Variants in SPHKAP observed in about 807,000 individuals in gnomAD.
SPHKAP encodes A-kinase anchor protein SPHKAP.
SPHKAP carries 67 observed loss-of-function variants against 137.5 expected under a neutral mutation model. The observed-to-expected ratio is 0.49, with a 90% CI of 0.40 to 0.60. The LOEUF (loss-of-function observed/expected upper bound fraction) is 0.60, where lower values mean the gene tolerates loss of function less well. SPHKAP is among the 20% of genes least tolerant of loss of function. SPHKAP has a pLI of 0.00. For missense variants in SPHKAP, 2,097 were observed against 2,069.3 expected (o/e 1.01, Z -0.26); for synonymous variants, 813 against 785.3 (o/e 1.04, Z -0.59).
intron 1 of SPHKAP, among the ~76,000 whole-genome samples, chr2:228,147,728 G>C (rs183654410): frequency 6.6e-6 from 1 of 152,270 alleles, no homozygotes; most frequent in East Asian, 1.9e-4. Context: ...TCAGTCAATG[G>C]TAATAAACAT....
At chr2:228,108,562 A>G (rs1415923250) in intron 3 of SPHKAP, among the ~76,000 whole-genome samples, 1 of 152,152 alleles carries the variant, frequency 6.6e-6, no homozygotes, top group Non-Finnish European at 1.5e-5. Context: ...ATACAATTCT[A>G]TTTCTGAATC....
intron 11 of SPHKAP, 131 bp downstream of exon 11, chr2:227,990,869 C>T (rs531785769): frequency 3.6e-4 from 320 of 900,988 alleles, no homozygotes; most frequent in Middle Eastern, 2.1e-3. Flanking sequence ...ATGTTCTAGC[C>T]GCAATTTTAA....
intron 3 of SPHKAP, among the ~76,000 whole-genome samples, chr2:228,039,428 A>G (rs1351181957): frequency 3.0e-5 from 4 of 135,274 alleles, no homozygotes; most frequent in African/African-American, 1.2e-4. Flanking sequence ...GAATGTCTAT[A>G]GGAAATACAC....
In SPHKAP at chr2:228,019,508, T is replaced by G; in HGVS notation, c.1346A>C (p.Lys449Thr). Reference protein sequence around the residue: ...VVSRSWNELPKIVVVQSPDGS... With the variant: ...VVSRSWNELPTIVVVQSPDGS... Reference sequence around the variant, plus strand: ...ATCTGGACTCTGAACAACGACGATTTTGGGGAGCTCATTCCATGACCGAGA... The same window carrying G: ...ATCTGGACTCTGAACAACGACGATTGTGGGGAGCTCATTCCATGACCGAGA... The change falls in exon 7 of 12, where the codon AAA becomes ACA. Residue 449 changes from lysine (K) to threonine (T), a missense_variant. By Grantham distance (78) the Lys-to-Thr change is moderately conservative. Transcript: ENST00000392056. 3.1e-6 allele frequency: 5 copies of G among 1,614,156 alleles called. No homozygotes were observed. The highest frequency in any genetic ancestry group is 4.2e-6 in the Non-Finnish European group (5 of 1,180,026).
chr2:228,181,617 G>C lies in SPHKAP; in HGVS notation c.-19C>G, dbSNP rs1700919296. On this transcript the variant is annotated 5_prime_UTR_variant, in exon 1 of 12. Transcript: ENST00000392056. The surrounding 1 kb of genome is among the most constrained non-coding windows in gnomAD (Gnocchi z 4.3). ...CATCCATTGTTGGTGGGCGCCCAGA[G>C]AAGAAAGACGGAAAGTGCAGGCGAA... 6.2e-7 allele frequency: 1 copy of C among 1,613,998 alleles called. No homozygotes were observed. The highest frequency in any genetic ancestry group is 1.7e-5 in the Admixed American group (1 of 60,006).
rs1459191435 is a variant in SPHKAP at position 228,018,577 on chromosome 2, A to T, written c.2277T>A (p.Ser759Arg). ...PSCQPSDPGA[S>R]QAWTKATESS... ...ATTCAGTGGCTTTTGTCCAAGCTTG[A>T]CTAGCACCCGGATCAGATGGCTGGC... Residue 759 changes from serine to arginine, a missense_variant, in exon 7 of 12, where the codon AGT (serine) becomes AGA (arginine). Transcript: ENST00000392056. The T allele has an allele frequency of 1.9e-6, 3 of 1,613,898 alleles. No individual in the cohort carries two copies. The highest frequency in any genetic ancestry group is 2.5e-6 in the Non-Finnish European group (3 of 1,179,888).
At position 228,070,265 on chromosome 2, in the gene SPHKAP, T is replaced by C. The variant is rs1320119922; in HGVS notation, c.246+38567A>G. On this transcript the variant is annotated intron_variant, in intron 3 of 11. Transcript: ENST00000392056. ...ATAATAAAATAAGCTAGAGACATAA[T>C]TGTCATCTTCATGTCGAATATGCTG... 2.6e-5 allele frequency among the ~76,000 whole-genome samples: 4 copies of C among 152,260 alleles called. No individual in the cohort carries two copies. The East Asian group carries it at 7.7e-4, about 29-fold the overall frequency.
intron 3 of SPHKAP, among the ~76,000 whole-genome samples, chr2:228,043,684 C>A (rs1188497756): frequency 6.6e-6 from 1 of 152,246 alleles, no homozygotes; most frequent in South Asian, 2.1e-4. Context: ...AAAAATCTTC[C>A]TCAGGTACAA....
chr2:228,006,705 C>T (rs1054963044), intron 7 of SPHKAP, among the ~76,000 whole-genome samples: 1 of 152,162 alleles, frequency 6.6e-6, no homozygotes, highest in African/African-American at 2.4e-5. Flanking sequence ...TGGTGATGTA[C>T]AGATGGGGTT....
intron 7 of SPHKAP, among the ~76,000 whole-genome samples, chr2:228,001,080 A>G (rs543367024): frequency 6.6e-6 from 1 of 152,092 alleles, no homozygotes; most frequent in East Asian, 1.9e-4. Context: ...TTGGGATTCT[A>G]ATATGTATGT....
intron 3 of SPHKAP, among the ~76,000 whole-genome samples, chr2:228,039,440 G>GGT (rs1553616242): frequency 3.3e-5 from 2 of 60,040 alleles, no homozygotes; most frequent in African/African-American, 8.2e-5. Flanking sequence ...GAAATACACA[G>GGT]TTTTTTTTAG....
rs1375312173 is a variant in SPHKAP at position 228,029,886 on chromosome 2, T to TTTATTATCA, written c.247-2352_247-2344dup. 1.0e-3 allele frequency among the ~76,000 whole-genome samples: 154 copies of TTTATTATCA among 152,222 alleles called. 1 individual carries two copies. The highest frequency in any genetic ancestry group is 3.5e-3 in the African/African-American group (145 of 41,512). On this transcript the variant is annotated intron_variant, in intron 3 of 11. Coordinates refer to ENST00000392056, the MANE Select transcript of SPHKAP (RefSeq NM_001142644.2). ...CCTTGCTCCTGGGCATGACAAAGCT[T>TTTATTATCA]TTATTATCATGCATCACAGTGGCAG...
chr2:228,167,916 A>G (rs1346860783), intron 1 of SPHKAP, among the ~76,000 whole-genome samples: 1 of 152,158 alleles, frequency 6.6e-6, no homozygotes, highest in East Asian at 1.9e-4. Flanking sequence ...AATACACTAA[A>G]GTATAAAATG....
intron 3 of SPHKAP, among the ~76,000 whole-genome samples, chr2:228,104,886 T>C (rs1559175730): frequency 6.6e-6 from 1 of 152,358 alleles, no homozygotes; most frequent in Non-Finnish European, 1.5e-5. Context: ...AGATGTTTTC[T>C]GAAAAGTCAA....
chr2:228,181,574 C>T lies in SPHKAP; in HGVS notation c.25G>A (p.Val9Ile), dbSNP rs373437210. MDGNSLLS[V>I]PSNLESSRMY... ...GAAAGAAGCGGGTCTTACCTTGGTA[C>T]CGAGAGCAGGGAGTTGCCATCCATT... The change falls in exon 1 of 12, where the codon GTA (valine) becomes ATA (isoleucine). Residue 9 changes from valine to isoleucine, a missense_variant. Physicochemically the swap from Val to Ile is conservative, Grantham distance 29. Coordinates refer to ENST00000392056, the MANE Select transcript of SPHKAP (RefSeq NM_001142644.2). The surrounding 1 kb of genome is among the most constrained non-coding windows in gnomAD (Gnocchi z 4.3). The T allele has an allele frequency of 5.0e-6, 8 of 1,614,100 alleles. No homozygotes were observed. The highest frequency in any genetic ancestry group is 6.8e-6 in the Non-Finnish European group (8 of 1,180,044).
intron 11 of SPHKAP, among the ~76,000 whole-genome samples, chr2:227,983,932 G>A (rs1693106992): frequency 6.6e-6 from 1 of 152,098 alleles, no homozygotes; most frequent in South Asian, 2.1e-4. Flanking sequence ...GTGGGGGTGA[G>A]ATGTGGGGCT....
intron 1 of SPHKAP, chr2:228,173,050 T>C: frequency 1.0e-6 from 1 of 985,360 alleles, no homozygotes; most frequent in Non-Finnish European, 1.2e-6. Flanking sequence ...TTTGGTAGGG[T>C]TTCCAGGTCC....
intron 9 of SPHKAP, among the ~76,000 whole-genome samples, chr2:227,992,809 C>T (rs1693463602): frequency 6.6e-6 from 1 of 152,142 alleles, no homozygotes; most frequent in Admixed American, 6.5e-5. Flanking sequence ...CAACTTTAGC[C>T]TATACTTATT....
At chr2:228,164,484 T>A (rs547031390) in intron 1 of SPHKAP, among the ~76,000 whole-genome samples, 1 of 152,324 alleles carries the variant, frequency 6.6e-6, no homozygotes, top group East Asian at 1.9e-4. Flanking sequence ...GGTATTGAAG[T>A]TATAGTTTCA....
Sources: allele counts gnomAD v4.1 joint callset (sites outside exome capture counted in the v4.1 genomes callset), GRCh38; gene constraint gnomAD v4.1.1; non-coding constraint Gnocchi (gnomAD v3.1); transcripts MANE v1.5; gene names NCBI Gene and HGNC (gene_info 2026-07-23, HGNC 2026-07-21).